PTPRN2: variants seen among roughly 807,000 people sequenced by gnomAD.
The protein encoded by PTPRN2 is protein tyrosine phosphatase receptor type N2.
A neutral mutation model predicts 118.8 loss-of-function variants in PTPRN2; 74 were observed. The ratio of observed to expected loss-of-function variants is 0.62; its 90% confidence interval spans 0.52 to 0.76. PTPRN2 has a LOEUF of 0.76. Ranked by LOEUF, PTPRN2 falls within the 30% of genes least tolerant of loss-of-function variation. PTPRN2 has a pLI of 0.00. For synonymous variants in PTPRN2, 641 were observed against 608.0 expected (o/e 1.05, Z -0.80); for missense variants, 1,481 against 1,394.4 (o/e 1.06, Z -0.99).
intron 9 of PTPRN2, among the ~76,000 whole-genome samples, chr7:158,127,713 G>C (rs939489222): frequency 2.6e-5 from 4 of 152,202 alleles, no homozygotes; most frequent in Non-Finnish European, 5.9e-5. Flanking sequence ...GCATGTGTGT[G>C]TGAGCCGTGG....
intron 2 of PTPRN2, among the ~76,000 whole-genome samples, chr7:158,461,582 A>G (rs1018999559): frequency 6.6e-6 from 1 of 152,162 alleles, no homozygotes; most frequent in African/African-American, 2.4e-5. Flanking sequence ...ATTTTCTTCC[A>G]GTGTTTTCCA....
chr7:158,129,224 A>T (rs1817956793), intron 9 of PTPRN2, among the ~76,000 whole-genome samples: 1 of 149,744 alleles, frequency 6.7e-6, no homozygotes. Context: ...CACACAGCAC[A>T]CCACACACGA....
chr7:158,114,745 G>C (rs1161047694), intron 9 of PTPRN2, among the ~76,000 whole-genome samples: 1 of 152,216 alleles, frequency 6.6e-6, no homozygotes, highest in Non-Finnish European at 1.5e-5. Context: ...GTCCAGGCTG[G>C]GGTAAGGGAG....
intron 13 of PTPRN2, chr7:157,669,507 GCTC>G (rs1463550533): frequency 2.1e-6 from 1 of 480,916 alleles, no homozygotes; most frequent in African/African-American, 2.0e-5. Context: ...GCCCCTCCCC[GCTC>G]CTGACACACG....
chr7:158,467,685 C>T (rs1819492805), intron 2 of PTPRN2, among the ~76,000 whole-genome samples: 1 of 152,138 alleles, frequency 6.6e-6, no homozygotes, highest in Non-Finnish European at 1.5e-5. Flanking sequence ...TCCCCGAAAC[C>T]ATTTAAAGAG....
At chr7:158,187,837 G>C (rs1439641554) in intron 5 of PTPRN2, among the ~76,000 whole-genome samples, 1 of 152,212 alleles carries the variant, frequency 6.6e-6, no homozygotes, top group Non-Finnish European at 1.5e-5. Flanking sequence ...CTGAGTAACA[G>C]TAGAGACCAG....
Position 158,383,219 on chromosome 7 carries a change from C to T in PTPRN2, c.164-66287G>A, listed in dbSNP as rs371514218. On this transcript the variant is annotated intron_variant, in intron 2 of 22. Transcript: ENST00000389418. ...CTCTTATTCAACAGAATTTGAAGAA[C>T]TATTTTGAAGAATTATTTTTGTAAC... Among the ~76,000 whole-genome samples the T allele has an allele frequency of 3.3e-5, 5 of 152,262 alleles. No individual in the cohort carries two copies. In the South Asian group the frequency reaches 8.3e-4, roughly 25 times the overall value.
At chr7:158,437,976 C>G (rs577458201) in intron 2 of PTPRN2, among the ~76,000 whole-genome samples, 15 of 152,328 alleles carry the variant, frequency 9.8e-5, no homozygotes, top group African/African-American at 3.6e-4. Flanking sequence ...TCTCCACAGC[C>G]CTTGCCTGGT....
chr7:157,875,054 GACAC>G (rs149916225), intron 12 of PTPRN2, among the ~76,000 whole-genome samples: 5 of 150,616 alleles, frequency 3.3e-5, no homozygotes, highest in South Asian at 2.1e-4. Context: ...CGCACACACA[GACAC>G]ACACACACAC....
intron 1 of PTPRN2, among the ~76,000 whole-genome samples, chr7:158,575,816 T>C (rs998549104): frequency 5.3e-5 from 8 of 152,286 alleles, no homozygotes; most frequent in Non-Finnish European, 7.4e-5. Context: ...TACATCTTAC[T>C]TCCCAAAGAG....
intron 1 of PTPRN2, among the ~76,000 whole-genome samples, chr7:158,497,374 G>A (rs1822029775): frequency 6.6e-6 from 1 of 150,514 alleles, no homozygotes; most frequent in African/African-American, 2.4e-5. Flanking sequence ...AGAGTATGGA[G>A]CCCCCCAGTA....
rs911141595 is a variant in PTPRN2, at chr7:157,690,522, G to A, written c.1789-7585C>T. ...GGGCCCACCCAACCGCACTACGAGC[G>A]CCCGCGCCCCGCCCGGCACCCCTGG... On this transcript the variant is annotated intron_variant, in intron 12 of 22. Transcript: ENST00000389418. This position sits in a 1 kb window ranked among gnomAD's most constrained non-coding sequence, Gnocchi z 7.1. 1.3e-5 allele frequency among the ~76,000 whole-genome samples: 2 copies of A among 151,842 alleles called. No individual in the cohort carries two copies. Among genetic ancestry groups the A allele is most frequent in the African/African-American group, 4.8e-5 (2 of 41,362 alleles).
chr7:158,171,222 TATAC>T (rs1229633705), intron 5 of PTPRN2, among the ~76,000 whole-genome samples: 6 of 131,264 alleles, frequency 4.6e-5, no homozygotes, highest in African/African-American at 1.9e-4. Flanking sequence ...TACACACATA[TATAC>T]ACACATATAT....
At chr7:158,250,975 T>C (rs1004101819) in intron 3 of PTPRN2, among the ~76,000 whole-genome samples, 1 of 152,040 alleles carries the variant, frequency 6.6e-6, no homozygotes, top group Non-Finnish European at 1.5e-5. Context: ...AGCACATTTT[T>C]ACTTGATTGT....
intron 12 of PTPRN2, among the ~76,000 whole-genome samples, chr7:157,879,428 G>C (rs992521266): frequency 1.3e-5 from 2 of 152,154 alleles, no homozygotes; most frequent in African/African-American, 2.4e-5. Flanking sequence ...CACACACACA[G>C]AGCAACGTCC....
chr7:157,646,041 G>A (rs562897366), intron 14 of PTPRN2, among the ~76,000 whole-genome samples: 3 of 152,234 alleles, frequency 2.0e-5, no homozygotes, highest in Non-Finnish European at 4.4e-5. Context: ...GGAAGAGAGT[G>A]GAGCCTGTAC....
At chr7:158,452,328 T>A (rs530163218) in intron 2 of PTPRN2, among the ~76,000 whole-genome samples, 38 of 152,372 alleles carry the variant, frequency 2.5e-4, no homozygotes, top group African/African-American at 8.9e-4. Context: ...ATGTATAGGT[T>A]TATTCAGAGA....
chr7:158,265,184 G>A (rs559080767), intron 3 of PTPRN2, among the ~76,000 whole-genome samples: 519 of 152,248 alleles, frequency 3.4e-3, no homozygotes, highest in Non-Finnish European at 5.6e-3. Context: ...AAGGCCTCTC[G>A]GTAGTGGCCT....
At chr7:157,722,002 C>G (rs1251252121) in intron 12 of PTPRN2, among the ~76,000 whole-genome samples, 1 of 152,210 alleles carries the variant, frequency 6.6e-6, no homozygotes. Context: ...ATGTGGTGCT[C>G]GGCCGCAAAA....
Sources: gnomAD v4.1 joint callset for allele counts (sites outside exome capture counted in the v4.1 genomes callset) on GRCh38, gnomAD v4.1.1 for gene constraint, Gnocchi (gnomAD v3.1) non-coding constraint, MANE v1.5 for transcripts, NCBI Gene and HGNC (gene_info 2026-07-23, HGNC 2026-07-21) for gene names.